The following ZNF536 variants were observed in gnomAD, a reference collection of about 807,000 sequenced individuals.
ZNF536 encodes the protein zinc finger protein 536.
ZNF536 carries 13 observed loss-of-function variants against 84.5 expected under a neutral mutation model. The ratio of observed to expected loss-of-function variants is 0.15; its 90% CI spans 0.10 to 0.24. ZNF536 has a LOEUF of 0.24. Among genes scored for constraint, ZNF536 ranks in the 10% least tolerant of loss-of-function variants. ZNF536 has a pLI of 1.00. For synonymous variants in ZNF536, 811 were observed against 742.5 expected (o/e 1.09, Z -1.50); for missense variants, 1,536 against 1,747.5 (o/e 0.88, Z 2.16).
At chr19:30,383,649 T>C (rs868346531) in intron 1 of ZNF536, among the ~76,000 whole-genome samples, 820 of 24,778 alleles carry the variant, frequency 0.033, 44 homozygotes, top group African/African-American at 0.15. Flanking sequence ...TTCCTTCCTT[T>C]CTTTCTCTCT....
chr19:30,545,385 CTTTTTT>C (rs772761287), intron 3 of ZNF536, among the ~76,000 whole-genome samples: 1,701 of 67,100 alleles, frequency 0.025, no homozygotes, highest in South Asian at 0.062. Context: ...TCCCATATGT[CTTTTTT>C]TTTTTTTTTT....
At chr19:30,376,897 C>T (rs1340903219) in intron 1 of ZNF536, among the ~76,000 whole-genome samples, 1 of 152,210 alleles carries the variant, frequency 6.6e-6, no homozygotes, top group Non-Finnish European at 1.5e-5. Flanking sequence ...CTGCGCCCAG[C>T]ATCTGGCTGG....
intron 2 of ZNF536, among the ~76,000 whole-genome samples, chr19:30,497,635 G>C (rs1399419990): frequency 6.6e-6 from 1 of 152,204 alleles, no homozygotes; most frequent in Non-Finnish European, 1.5e-5. Context: ...AAAGGAGAAA[G>C]CAAGGGGGTG....
chr19:30,418,047 CT>C, intron 1 of ZNF536, among the ~76,000 whole-genome samples: 2 of 151,980 alleles, frequency 1.3e-5, no homozygotes, highest in Non-Finnish European at 2.9e-5. Context: ...CCATGCCTGG[CT>C]TGGGTTGTTT....
chr19:30,416,239 T>A (rs372031078), intron 1 of ZNF536, among the ~76,000 whole-genome samples: 1 of 152,300 alleles, frequency 6.6e-6, no homozygotes, highest in African/African-American at 2.4e-5. Context: ...ATTATCCTTT[T>A]TGTGAAGATA....
intron 1 of ZNF536, among the ~76,000 whole-genome samples, chr19:30,252,585 TA>T (rs35820378): frequency 0.19 from 29,135 of 152,202 alleles, 3,323 homozygotes; most frequent in East Asian, 0.49. Flanking sequence ...GACACCTGCC[TA>T]CCATTTTTTT....
chr19:30,513,906 C>G (rs1355371687), intron 2 of ZNF536, among the ~76,000 whole-genome samples: 6 of 152,220 alleles, frequency 3.9e-5, no homozygotes, highest in Non-Finnish European at 8.8e-5. Flanking sequence ...CTGAGACCCT[C>G]AAACTCAGGG....
intron 2 of ZNF536, among the ~76,000 whole-genome samples, chr19:30,453,011 G>T (rs1162297436): frequency 6.6e-6 from 1 of 152,014 alleles, no homozygotes; most frequent in African/African-American, 2.4e-5. Flanking sequence ...GGGGGACTCT[G>T]ATCTCCCCAG....
At chr19:30,581,029 G>A (rs867200406) in intron 1 of ZNF536, among the ~76,000 whole-genome samples, 1 of 152,206 alleles carries the variant, frequency 6.6e-6, no homozygotes, top group Non-Finnish European at 1.5e-5. Context: ...AGCAGGAAAA[G>A]CTTGCTTTAG....
chr19:30,483,253 G>C (rs1453105596), intron 2 of ZNF536, among the ~76,000 whole-genome samples: 2 of 152,154 alleles, frequency 1.3e-5, no homozygotes, highest in Non-Finnish European at 2.9e-5. Flanking sequence ...AGGGTGCCAG[G>C]TCAGTGAGCA....
At chr19:30,269,837 G>T (rs935475588) in intron 1 of ZNF536, among the ~76,000 whole-genome samples, 4 of 152,156 alleles carry the variant, frequency 2.6e-5, no homozygotes, top group Middle Eastern at 3.2e-3. Flanking sequence ...CCCGGAGGCA[G>T]CTGGCACCCA....
upstream of ZNF536, among the ~76,000 whole-genome samples, chr19:30,369,845 G>A (rs1600423058): frequency 6.6e-6 from 1 of 152,144 alleles, no homozygotes; most frequent in Non-Finnish European, 1.5e-5. Flanking sequence ...AATAGGCTGG[G>A]CTGTTATTAT....
chr19:30,479,432 G>C (rs2053980842), intron 2 of ZNF536, among the ~76,000 whole-genome samples: 1 of 152,228 alleles, frequency 6.6e-6, no homozygotes, highest in South Asian at 2.1e-4. Flanking sequence ...CTGCGGTTGG[G>C]AAACTGCTTC....
chr19:30,288,680 G>A (rs2045731960), intron 2 of ZNF536, among the ~76,000 whole-genome samples: 1 of 152,196 alleles, frequency 6.6e-6, no homozygotes, highest in South Asian at 2.1e-4. Flanking sequence ...CTGACCCAGT[G>A]TCAAGGAACT....
At chr19:30,447,925 G>A (rs183122227) in intron 2 of ZNF536, among the ~76,000 whole-genome samples, 29 of 152,270 alleles carry the variant, frequency 1.9e-4, no homozygotes, top group African/African-American at 4.3e-4. Flanking sequence ...CATTAATGAC[G>A]TGTTTACCGT....
In ZNF536 at chr19:30,330,565, A is replaced by G. The variant is rs573838426; in HGVS notation, c.-119-21803A>G. Among the ~76,000 whole-genome samples the G allele has an allele frequency of 1.4e-4, 21 of 152,298 alleles. No individual in the cohort carries two copies. The South Asian group carries it at 4.1e-3, about 30-fold the overall frequency. On this transcript the variant is annotated intron_variant, in intron 2 of 5. Transcript: ENST00000585628. Reference sequence around the variant, plus strand: ...AGGTTACATTGCCACTCTGGGCCTCAGGCTCCCATTTCTAGGAGGTAAAGT... The same window carrying G: ...AGGTTACATTGCCACTCTGGGCCTCGGGCTCCCATTTCTAGGAGGTAAAGT...
rs774099039 is a variant in ZNF536, at chr19:30,530,331, T to TTGTTGTTG, written c.2171-4515_2171-4514insGTTGTTGT. Among the ~76,000 whole-genome samples, 575 of 151,416 alleles carry TTGTTGTTG rather than the reference T, an allele frequency of 3.8e-3. 3 individuals are homozygous for TTGTTGTTG. Among genetic ancestry groups the TTGTTGTTG allele is most frequent in the Non-Finnish European group, 5.9e-3 (399 of 67,908 alleles). ...TTTGTAATACCTCTCTCTCTGTCTT[T>TTGTTGTTG]TTGTTGTTGTTGTTGTTGTTGTTGT... On this transcript the variant is annotated intron_variant, in intron 2 of 4. Coordinates refer to ENST00000355537, the MANE Select transcript of ZNF536 (RefSeq NM_014717.3).
intron 3 of ZNF536, among the ~76,000 whole-genome samples, chr19:30,365,576 C>T (rs1440681483): frequency 2.0e-5 from 3 of 152,200 alleles, no homozygotes; most frequent in Admixed American, 6.5e-5. Context: ...ACGAAGCCCA[C>T]GTCTGCTTCA....
At position 30,444,993 on chromosome 19, in the gene ZNF536, C is replaced by G. The variant is rs2148207053; in HGVS notation, c.1431C>G (p.Ala477=). ...GKLLSPISSM[A]HGVPEGDKHS... ...TGCTGTCTCCCATCTCCAGCATGGC[C>G]CACGGCGTCCCGGAGGGGGACAAGC... The change falls in exon 2 of 5, where the codon GCC becomes GCG. Residue 477 remains alanine (A), a synonymous_variant. Transcript: ENST00000355537. 6.2e-7 allele frequency: 1 copy of G among 1,611,150 alleles called. No homozygotes were observed. The highest frequency in any genetic ancestry group is 8.5e-7 in the Non-Finnish European group (1 of 1,178,626).
Sources: gnomAD v4.1 joint callset for allele counts (sites outside exome capture counted in the v4.1 genomes callset) on GRCh38, gnomAD v4.1.1 for gene constraint, MANE v1.5 for transcripts, NCBI Gene and HGNC (gene_info 2026-07-23, HGNC 2026-07-21) for gene names.